The following SGMS1 variants were observed in gnomAD, a reference collection of about 807,000 sequenced individuals.
SGMS1 encodes the protein sphingomyelin synthase 1, also known as phosphatidylcholine:ceramide cholinephosphotransferase 1.
In SGMS1, 13 loss-of-function variants were observed where a neutral mutation model predicts 46.2. That is an observed-to-expected ratio of 0.28 (90% CI 0.18 to 0.45). The LOEUF (loss-of-function observed/expected upper bound fraction) is 0.45, where lower values mean the gene tolerates loss of function less well. Ranked by LOEUF, SGMS1 falls within the 20% of genes least tolerant of loss-of-function variation. The pLI is 1.00. For missense variants in SGMS1, 324 were observed against 519.9 expected (o/e 0.62, Z 3.66); for synonymous variants, 203 against 187.8 (o/e 1.08, Z -0.66).
chr10:50,623,644 A>G (rs1318566575), intron 1 of SGMS1, 63 bp downstream of exon 1: 2 of 985,262 alleles, frequency 2.0e-6, no homozygotes, highest in African/African-American at 3.5e-5. Context: ...GGCCCGCGAG[A>G]CAGGTGTCCG....
chr10:50,454,842 C>T (rs1016578162), intron 5 of SGMS1, among the ~76,000 whole-genome samples: 21 of 152,060 alleles, frequency 1.4e-4, no homozygotes, highest in African/African-American at 4.8e-4. Flanking sequence ...AAAAATTCAC[C>T]AACTTATAGG....
chr10:50,369,686 T>C (rs1342933142), intron 6 of SGMS1, among the ~76,000 whole-genome samples: 2 of 152,072 alleles, frequency 1.3e-5, no homozygotes, highest in Middle Eastern at 3.2e-3. Flanking sequence ...ATGGCAAAGA[T>C]GAAAAAGGGC....
intron 6 of SGMS1, among the ~76,000 whole-genome samples, chr10:50,356,758 G>A (rs1045547822): frequency 1.3e-5 from 2 of 152,044 alleles, no homozygotes; most frequent in African/African-American, 4.8e-5. Flanking sequence ...ATGAGTTCAT[G>A]TCCTTTGTAG....
At position 50,621,716 on chromosome 10, in the gene SGMS1, T is replaced by C. The variant is rs77044585; in HGVS notation, c.-684+1991A>G. 0.032 allele frequency among the ~76,000 whole-genome samples: 4,916 copies of C among 152,346 alleles called. 525 individuals carry two copies. The East Asian group carries it at 0.36, about 11-fold the overall frequency. On this transcript the variant is annotated intron_variant, in intron 1 of 10. Coordinates refer to ENST00000361781, the MANE Select transcript of SGMS1 (RefSeq NM_147156.4). ...GGAAATTTCAAATAGCTCACTATCA[T>C]CACTGAAGAGTTGCAGAAATGTATC...
chr10:50,307,215 T>C lies in SGMS1; in HGVS notation c.1169A>G (p.His390Arg). 5.0e-6 allele frequency: 8 copies of C among 1,614,146 alleles called. No homozygotes were observed. The highest frequency in any genetic ancestry group is 6.8e-6 in the Non-Finnish European group (8 of 1,180,006). ...NVQGIVPRSY[H>R]WPFPWPVVHL... ...GACTACTGGCCAGGGGAAAGGCCAA[T>C]GGTAAGATCGAGGTACAATTCCTTG... The change falls in exon 11 of 11, where the codon CAT becomes CGT. Residue 390 changes from histidine to arginine, a missense_variant. Physicochemically the swap from His to Arg is conservative, Grantham distance 29. Coordinates refer to ENST00000361781, the MANE Select transcript of SGMS1 (RefSeq NM_147156.4). This position sits in a 1 kb window ranked among gnomAD's most constrained non-coding sequence, Gnocchi z 4.2.
At chr10:50,554,053 G>A (rs1838170831) in intron 2 of SGMS1, among the ~76,000 whole-genome samples, 1 of 152,082 alleles carries the variant, frequency 6.6e-6, no homozygotes, top group African/African-American at 2.4e-5. Context: ...GTCACCTACT[G>A]CCACATCCCA....
At chr10:50,487,485 TTAAAA>T (rs1283419273) in intron 3 of SGMS1, among the ~76,000 whole-genome samples, 3 of 152,222 alleles carry the variant, frequency 2.0e-5, no homozygotes, top group Non-Finnish European at 4.4e-5. Flanking sequence ...ACCATGGAAC[TTAAAA>T]TAAAAACTAA....
intron 3 of SGMS1, among the ~76,000 whole-genome samples, chr10:50,496,298 T>C (rs1326741542): frequency 6.6e-6 from 1 of 152,220 alleles, no homozygotes; most frequent in Non-Finnish European, 1.5e-5. Context: ...TAGCACGCTG[T>C]CTTGCATAAA....
At position 50,606,628 on chromosome 10, in the gene SGMS1, G is replaced by A. The variant is rs74862654; in HGVS notation, c.-683-16381C>T. On this transcript the variant is annotated intron_variant, in intron 1 of 10. Transcript: ENST00000361781. ...GTTGTCTTCAGCTTCCACACTTGGC[G>A]AAAATCTGACCTTCAGTCTCAGTCT... Among the ~76,000 whole-genome samples, 888 of 152,272 alleles carry A rather than the reference G, an allele frequency of 5.8e-3. 14 individuals carry two copies. The highest frequency in any genetic ancestry group is 0.019 in the African/African-American group (789 of 41,546).
intron 6 of SGMS1, among the ~76,000 whole-genome samples, chr10:50,390,958 C>T (rs905946213): frequency 7.2e-5 from 11 of 152,158 alleles, no homozygotes; most frequent in East Asian, 1.9e-4. Flanking sequence ...AAAGTCATAG[C>T]GGAGAGAGGG....
intron 6 of SGMS1, among the ~76,000 whole-genome samples, chr10:50,409,131 T>A (rs968735832): frequency 1.3e-5 from 2 of 152,194 alleles, no homozygotes; most frequent in African/African-American, 4.8e-5. Flanking sequence ...ATACACAATA[T>A]TTGCACATAT....
chr10:50,506,095 C>G (rs1279606360), intron 3 of SGMS1, among the ~76,000 whole-genome samples: 1 of 152,132 alleles, frequency 6.6e-6, no homozygotes, highest in Non-Finnish European at 1.5e-5. Flanking sequence ...TCCTCTTACC[C>G]TTCAGACTTC....
intron 8 of SGMS1, among the ~76,000 whole-genome samples, chr10:50,324,862 A>C (rs1319620307): frequency 1.3e-5 from 2 of 152,228 alleles, no homozygotes; most frequent in African/African-American, 4.8e-5. Context: ...CTACTGGTAG[A>C]GGGGTGAAAG....
At chr10:50,487,537 ATTATT>A (rs1274048577) in intron 3 of SGMS1, among the ~76,000 whole-genome samples, 1 of 152,232 alleles carries the variant, frequency 6.6e-6, no homozygotes, top group East Asian at 1.9e-4. Flanking sequence ...ATTTTTATAT[ATTATT>A]TTAAATACTT....
chr10:50,322,060 C>T (rs1396651632), intron 8 of SGMS1, among the ~76,000 whole-genome samples: 1 of 152,180 alleles, frequency 6.6e-6, no homozygotes, highest in African/African-American at 2.4e-5. Flanking sequence ...ACCTCAGATG[C>T]CACCCAGACA....
At chr10:50,550,021 G>C (rs1390364101) in intron 2 of SGMS1, among the ~76,000 whole-genome samples, 1 of 152,132 alleles carries the variant, frequency 6.6e-6, no homozygotes, top group Non-Finnish European at 1.5e-5. Flanking sequence ...AAATTGACTG[G>C]AGACACCACA....
chr10:50,437,101 C>T (rs1468291794), intron 5 of SGMS1, among the ~76,000 whole-genome samples: 1 of 152,158 alleles, frequency 6.6e-6, no homozygotes, highest in African/African-American at 2.4e-5. Context: ...TCATGGCAAA[C>T]AGTAAACGCT....
At chr10:50,456,919 A>G (rs1837198107) in intron 5 of SGMS1, among the ~76,000 whole-genome samples, 1 of 152,230 alleles carries the variant, frequency 6.6e-6, no homozygotes, top group Admixed American at 6.5e-5. Context: ...CAGCGCTTGT[A>G]CTGGGAAACT....
chr10:50,343,729 G>T lies in SGMS1; in HGVS notation c.386C>A (p.Pro129His). Residue 129 changes from proline (P) to histidine (H), a missense_variant, in exon 7 of 11, where the codon CCC becomes CAC. By Grantham distance (77) the Pro-to-His change is moderately conservative. Coordinates refer to ENST00000361781, the MANE Select transcript of SGMS1 (RefSeq NM_147156.4). ...CAGAAAAGTCTTGCCCCACTCCATG[G>T]GGTACTGAGAGCGCTCCAGTTCTGG... ...PMPELERSQY[P>H]MEWGKTFLAF... 3 of 1,614,136 alleles carry T rather than the reference G, an allele frequency of 1.9e-6. No homozygotes were observed. Among genetic ancestry groups the T allele is most frequent in the Non-Finnish European group, 2.5e-6 (3 of 1,180,020 alleles).
Sources: gnomAD v4.1 joint callset for allele counts (sites outside exome capture counted in the v4.1 genomes callset) on GRCh38, gnomAD v4.1.1 for gene constraint, Gnocchi (gnomAD v3.1) non-coding constraint, MANE v1.5 for transcripts, NCBI Gene and HGNC (gene_info 2026-07-23, HGNC 2026-07-21) for gene names.